The following HTRA1 variants were observed in gnomAD, a reference collection of about 807,000 sequenced individuals.
The protein encoded by HTRA1 is HtrA serine peptidase 1.
HTRA1 carries 26 observed loss-of-function variants against 49.7 expected under a neutral mutation model. That is an observed-to-expected ratio of 0.52 (90% CI 0.38 to 0.73). The LOEUF is 0.73. Ranked by LOEUF, HTRA1 falls within the 30% of genes least tolerant of loss-of-function variation. HTRA1 has a pLI of 0.00. For synonymous variants in HTRA1, 291 were observed against 286.9 expected (o/e 1.01, Z -0.14); for missense variants, 561 against 667.2 (o/e 0.84, Z 1.75).
chr10:122,509,221 C>A (rs936280712), intron 6 of HTRA1, among the ~76,000 whole-genome samples: 2 of 152,152 alleles, frequency 1.3e-5, no homozygotes, highest in African/African-American at 2.4e-5. Flanking sequence ...TCAACAGGGG[C>A]CTTTGCCGGT....
In HTRA1 at chr10:122,461,949, C is replaced by T; in HGVS notation, c.297C>T (p.Ala99=). Residue 99 remains alanine (A), a synonymous_variant, in exon 1 of 9, where the codon GCC becomes GCT. Coordinates refer to ENST00000368984, the MANE Select transcript of HTRA1 (RefSeq NM_002775.5). ...TGCCCTTCGGGGTGCCAGCCTCGGC[C>T]ACGGTGCGGCGGCGCGCGCAGGCCG... The part of the protein sequence containing the change: ...CVVPFGVPAS[A]TVRRRAQAGL... 2 of 1,488,190 alleles carry T rather than the reference C, an allele frequency of 1.3e-6. No individual in the cohort carries two copies. Among genetic ancestry groups the T allele is most frequent in the South Asian group, 1.3e-5 (1 of 79,510 alleles). The allele number at this position is 1,488,190 out of a possible 1,614,324, so 92.2% of individuals were successfully genotyped here.
chr10:122,461,642 C>T lies in HTRA1; in HGVS notation c.-11C>T. ...CTGTCCGCCGCCACCGCCGCCGCCG[C>T]CAGAGTCGCCATGCAGATCCCGCGC... On this transcript the variant is annotated 5_prime_UTR_variant, in exon 1 of 9. Coordinates refer to ENST00000368984, the MANE Select transcript of HTRA1 (RefSeq NM_002775.5). 1 of 1,304,940 alleles carries T rather than the reference C, an allele frequency of 7.7e-7. No homozygotes were observed. The highest frequency in any genetic ancestry group is 9.9e-7 in the Non-Finnish European group (1 of 1,010,154). The allele number at this position is 1,304,940 out of a possible 1,614,324, so 80.8% of individuals were successfully genotyped here.
rs201190236 is a variant in HTRA1, at chr10:122,489,640, C to T, written c.777+14C>T. Reference sequence around the variant, plus strand: ...ATTGACCACCAGGTAAGGGTGTTCTCGCCTGCAGAGGTGAGTTCTCAGATG... The same window carrying T: ...ATTGACCACCAGGTAAGGGTGTTCTTGCCTGCAGAGGTGAGTTCTCAGATG... On this transcript the variant is annotated intron_variant, in intron 3 of 8. Transcript: ENST00000368984. 278 of 1,610,598 alleles carry T rather than the reference C, an allele frequency of 1.7e-4. No homozygotes were observed. Among genetic ancestry groups the T allele is most frequent in the Non-Finnish European group, 1.6e-4 (192 of 1,178,354 alleles).
intron 3 of HTRA1, among the ~76,000 whole-genome samples, chr10:122,504,880 C>T (rs574879918): frequency 1.3e-5 from 2 of 152,366 alleles, no homozygotes; most frequent in South Asian, 4.1e-4. Flanking sequence ...CACCTCCCCG[C>T]AGCTGCCCTG....
At chr10:122,508,630 T>C (rs1439644865) in intron 5 of HTRA1, 26 bp from the exon 6 acceptor site, 7 of 1,416,282 alleles carry the variant, frequency 4.9e-6, no homozygotes, top group Non-Finnish European at 6.0e-6. Context: ...CACGATTCAG[T>C]AAGCCGTGTC....
chr10:122,472,962 T>G (rs1377959170), intron 1 of HTRA1, among the ~76,000 whole-genome samples: 4 of 152,224 alleles, frequency 2.6e-5, no homozygotes, highest in African/African-American at 9.6e-5. Flanking sequence ...TGCCATCAGC[T>G]CTAGAATTTC....
At chr10:122,491,444 G>T (rs538605032) in intron 3 of HTRA1, among the ~76,000 whole-genome samples, 1 of 152,236 alleles carries the variant, frequency 6.6e-6, no homozygotes, top group Non-Finnish European at 1.5e-5. Flanking sequence ...CTGTGGCCAC[G>T]CGTGGGACCT....
chr10:122,475,805 A>G (rs367989083), intron 1 of HTRA1, among the ~76,000 whole-genome samples: 1 of 152,162 alleles, frequency 6.6e-6, no homozygotes, highest in Non-Finnish European at 1.5e-5. Flanking sequence ...AGCGATTAGA[A>G]TGGGGGTCTG....
chr10:122,462,904 TG>T (rs1311362425), intron 1 of HTRA1, among the ~76,000 whole-genome samples: 1 of 152,272 alleles, frequency 6.6e-6, no homozygotes, highest in African/African-American at 2.4e-5. Flanking sequence ...GGACCTGTTC[TG>T]GCAGGGGAGA....
At chr10:122,469,972 G>A (rs12356445) in intron 1 of HTRA1, among the ~76,000 whole-genome samples, 2,294 of 152,216 alleles carry the variant, frequency 0.015, 23 homozygotes, top group Middle Eastern at 0.024. Flanking sequence ...ACGTTTGTTA[G>A]GGTGTATTTT....
rs759412560 is a variant in HTRA1 at position 122,484,156 on chromosome 10, C to T, written c.473-4746C>T. Among the ~76,000 whole-genome samples, 9 of 152,158 alleles carry T rather than the reference C, an allele frequency of 5.9e-5. No individual in the cohort carries two copies. The East Asian group carries it at 1.2e-3, about 20-fold the overall frequency. ...GGCCTTGACCTTTCAGGGGGCTTCC[C>T]GTCCTCATTGCCTTCTGCTGCCTCA... On this transcript the variant is annotated intron_variant, in intron 1 of 8. Transcript: ENST00000368984.
intron 3 of HTRA1, among the ~76,000 whole-genome samples, chr10:122,503,658 C>T (rs2097501840): frequency 6.6e-6 from 1 of 152,166 alleles, no homozygotes; most frequent in Non-Finnish European, 1.5e-5. Flanking sequence ...TCAGTATCCA[C>T]ATCTTTAAAA....
At chr10:122,465,991 T>G (rs2097483606) in intron 1 of HTRA1, among the ~76,000 whole-genome samples, 1 of 152,044 alleles carries the variant, frequency 6.6e-6, no homozygotes, top group Non-Finnish European at 1.5e-5. Flanking sequence ...CAGACAAGCT[T>G]GGAGGTCTGC....
At chr10:122,507,286 T>C in intron 4 of HTRA1, 84 bp from the exon 5 acceptor site, 1 of 1,089,588 alleles carries the variant, frequency 9.2e-7, no homozygotes, top group Non-Finnish European at 1.4e-6. Context: ...CTAGGCACCG[T>C]GCTCAGGAAA....
chr10:122,480,455 TGCTGGCCAGTGTGGGGAGAGA>T (rs1368873929), intron 1 of HTRA1, among the ~76,000 whole-genome samples: 1 of 152,126 alleles, frequency 6.6e-6, no homozygotes, highest in Non-Finnish European at 1.5e-5. Flanking sequence ...CTGGGTTAGT[TGCTGGCCAGTGTGGGGAGAGA>T]GCTGGCCTGG....
chr10:122,466,578 A>C (rs551370753), intron 1 of HTRA1, among the ~76,000 whole-genome samples: 1 of 152,334 alleles, frequency 6.6e-6, no homozygotes, highest in East Asian at 1.9e-4. Context: ...TGAATAAAAC[A>C]AAGTCACTGC....
At chr10:122,499,710 A>G (rs12416424) in intron 3 of HTRA1, among the ~76,000 whole-genome samples, 4,431 of 152,316 alleles carry the variant, frequency 0.029, 118 homozygotes, top group East Asian at 0.14. Flanking sequence ...CAAGTTCTAT[A>G]GCACTGTTTC....
At chr10:122,510,844 A>C (rs1199200998) in intron 7 of HTRA1, among the ~76,000 whole-genome samples, 1 of 152,248 alleles carries the variant, frequency 6.6e-6, no homozygotes, top group Non-Finnish European at 1.5e-5. Flanking sequence ...TGAATTAATG[A>C]TTCACTCACT....
chr10:122,506,604 T>C lies in HTRA1; in HGVS notation c.778-87T>C. The C allele has an allele frequency of 8.6e-7, 1 of 1,167,294 alleles. No individual in the cohort carries two copies. Among genetic ancestry groups the C allele is most frequent in the Admixed American group, 1.7e-5 (1 of 59,284 alleles). The allele number at this position is 1,167,294 out of a possible 1,614,324, so 72.3% of individuals were successfully genotyped here. A position where few individuals can be genotyped will look rare whatever the true frequency, so the allele number is the denominator to read the frequency against. ...GGTGTTTCCAAATAGCCCGTCACTG[T>C]CCCTGCTTGGTTTTCCATGATATCT... On this transcript the variant is annotated intron_variant, in intron 3 of 8. Coordinates refer to ENST00000368984, the MANE Select transcript of HTRA1 (RefSeq NM_002775.5). The surrounding 1 kb of genome is among the most constrained non-coding windows in gnomAD (Gnocchi z 5.2).
Sources: gnomAD v4.1 joint callset for allele counts (sites outside exome capture counted in the v4.1 genomes callset) on GRCh38, gnomAD v4.1.1 for gene constraint, Gnocchi (gnomAD v3.1) non-coding constraint, MANE v1.5 for transcripts, NCBI Gene and HGNC (gene_info 2026-07-23, HGNC 2026-07-21) for gene names.